SPINK6: variants seen among roughly 807,000 people sequenced by gnomAD.
The protein encoded by SPINK6 is serine peptidase inhibitor Kazal type 6.
SPINK6 carries 13 observed loss-of-function variants against 11.7 expected under a neutral mutation model. The observed-to-expected ratio is 1.11, with a 90% CI of 0.72 to 1.76. The LOEUF is 1.76. Among genes scored for constraint, SPINK6 ranks in the 40% most tolerant of loss-of-function variants. The pLI is 0.00. For missense variants in SPINK6, 98 were observed against 93.7 expected (o/e 1.05, Z -0.19); for synonymous variants, 21 against 31.9 (o/e 0.66, Z 1.15).
intron 2 of SPINK6, among the ~76,000 whole-genome samples, chr5:148,212,668 A>G (rs1410758535): frequency 8.9e-6 from 1 of 112,066 alleles, no homozygotes; most frequent in Non-Finnish European, 1.7e-5. Context: ...TTATATATTT[A>G]TATAATATAT....
chr5:148,212,602 TATAA>T (rs1755620558), intron 2 of SPINK6, among the ~76,000 whole-genome samples: 1 of 104,902 alleles, frequency 9.5e-6, no homozygotes, highest in African/African-American at 4.0e-5. Flanking sequence ...TTATATAATA[TATAA>T]TATATATTTA....
chr5:148,204,700 T>C (rs1020795810), intron 1 of SPINK6, among the ~76,000 whole-genome samples: 22 of 152,054 alleles, frequency 1.4e-4, no homozygotes, highest in African/African-American at 4.8e-4. Context: ...GGATGGGGTA[T>C]AGTGCATGTT....
intron 1 of SPINK6, 135 bp from the exon 2 acceptor site, chr5:148,205,901 C>G (rs1755491245): frequency 6.7e-6 from 6 of 901,586 alleles, no homozygotes; most frequent in Non-Finnish European, 1.0e-5. Flanking sequence ...AAAACAAAAA[C>G]AAACAAAAAA....
At chr5:148,209,958 G>T (rs1298532145) in intron 2 of SPINK6, among the ~76,000 whole-genome samples, 2 of 150,228 alleles carry the variant, frequency 1.3e-5, no homozygotes, top group Non-Finnish European at 2.9e-5. Context: ...TCATATATAT[G>T]TATACATACA....
intron 2 of SPINK6, among the ~76,000 whole-genome samples, chr5:148,208,529 T>C (rs1397586145): frequency 6.6e-6 from 1 of 152,216 alleles, no homozygotes; most frequent in African/African-American, 2.4e-5. Flanking sequence ...AAATTATAGT[T>C]AGCAGTCTGA....
Position 148,214,990 on chromosome 5 carries a change from A to G in SPINK6, c.*40A>G, listed in dbSNP as rs771769120. The stretch of plus-strand genomic sequence containing the variant: ...TTCTTGGTGACTTGCCAGCTTTTGC[A>G]GCCTTCTTTTCTCACTTCTGCTTAT... On this transcript the variant is annotated 3_prime_UTR_variant, in exon 4 of 4. Transcript: ENST00000325630. 1.2e-6 allele frequency: 2 copies of G among 1,601,628 alleles called. No homozygotes were observed. The highest frequency in any genetic ancestry group is 1.7e-6 in the Non-Finnish European group (2 of 1,169,042).
At chr5:148,203,813 A>G (rs527756883) in intron 1 of SPINK6, among the ~76,000 whole-genome samples, 1 of 152,260 alleles carries the variant, frequency 6.6e-6, no homozygotes, top group East Asian at 1.9e-4. Context: ...TCAAAGCACA[A>G]TCATACTTCA....
At chr5:148,209,640 C>T (rs144540429) in intron 2 of SPINK6, among the ~76,000 whole-genome samples, 15 of 151,950 alleles carry the variant, frequency 9.9e-5, no homozygotes, top group Middle Eastern at 3.4e-3. Flanking sequence ...TTTCTCTCAC[C>T]CAGCCGAAAT....
intron 1 of SPINK6, 93 bp from the exon 2 acceptor site, chr5:148,205,943 C>T (rs1755492170): frequency 7.8e-7 from 1 of 1,282,020 alleles, no homozygotes; most frequent in South Asian, 1.2e-5. Flanking sequence ...AGCCAAGTAC[C>T]AGGAGTAGAT....
At chr5:148,210,254 ATACATATATATGTATGTGTTTC>A (rs1320992836) in intron 2 of SPINK6, among the ~76,000 whole-genome samples, 80 of 118,964 alleles carry the variant, frequency 6.7e-4, no homozygotes, top group African/African-American at 2.3e-3. Context: ...GTATTTCTGC[ATACATATATATGTATGTGTTTC>A]TGCATACATA....
intron 2 of SPINK6, among the ~76,000 whole-genome samples, chr5:148,209,968 A>ACGCG (rs1376051662): frequency 6.7e-6 from 1 of 150,358 alleles, no homozygotes; most frequent in Non-Finnish European, 1.5e-5. Flanking sequence ...GTATACATAC[A>ACGCG]TACGTACGTA....
upstream of SPINK6, chr5:148,202,975 A>G: frequency 1.6e-6 from 1 of 625,174 alleles, no homozygotes. Flanking sequence ...AGGCCCCATT[A>G]AATGCATAAA....
At chr5:148,212,623 ATATTATATATT>A (rs1755622529) in intron 2 of SPINK6, among the ~76,000 whole-genome samples, 1 of 102,630 alleles carries the variant, frequency 9.7e-6, no homozygotes, top group Non-Finnish European at 1.7e-5. Context: ...TTTATATTAT[ATATTATATATT>A]ATATATAATA....
chr5:148,212,568 TATTA>T (rs960323752), intron 2 of SPINK6, among the ~76,000 whole-genome samples: 106 of 93,478 alleles, frequency 1.1e-3, no homozygotes, highest in African/African-American at 3.9e-3. Context: ...ATATAATATA[TATTA>T]TATATTATAT....
In SPINK6 at chr5:148,215,001, C is replaced by T. The variant is rs1561734778; in HGVS notation, c.*51C>T. 1 of 1,555,952 alleles carries T rather than the reference C, an allele frequency of 6.4e-7. No homozygotes were observed. Among genetic ancestry groups the T allele is most frequent in the Non-Finnish European group, 8.9e-7 (1 of 1,127,786 alleles). ...TTGCCAGCTTTTGCAGCCTTCTTTT[C>T]TCACTTCTGCTTATACTTTTGCTGG... On this transcript the variant is annotated 3_prime_UTR_variant, in exon 4 of 4. Transcript: ENST00000325630.
intron 2 of SPINK6, among the ~76,000 whole-genome samples, chr5:148,213,233 ACGGCGTCT>A (rs1755636797): frequency 1.3e-5 from 2 of 150,168 alleles, no homozygotes; most frequent in Non-Finnish European, 3.0e-5. Context: ...TTTTTGTTTG[ACGGCGTCT>A]CAGTCTGTCG....
At position 148,209,997 on chromosome 5, in the gene SPINK6, C is replaced by CACGTACGTCT. The variant is rs1561732192; in HGVS notation, c.82-3913_82-3912insACGTACGTCT. Among the ~76,000 whole-genome samples, 4 of 145,992 alleles carry CACGTACGTCT rather than the reference C, an allele frequency of 2.7e-5. 1 individual carries two copies. The highest frequency in any genetic ancestry group is 4.6e-5 in the Non-Finnish European group (3 of 65,506). ...GTACGTATGTATGTATACATATACA[C>CACGTACGTCT]GTATGTATACATGTATGTACGCATG... On this transcript the variant is annotated intron_variant, in intron 2 of 3. Coordinates refer to ENST00000325630, the MANE Select transcript of SPINK6 (RefSeq NM_205841.4).
chr5:148,214,948 T>C lies in SPINK6; in HGVS notation c.241T>C (p.Ter81ArgextTer8). 6.2e-7 allele frequency: 1 copy of C among 1,613,854 alleles called. No individual in the cohort carries two copies. The highest frequency in any genetic ancestry group is 8.5e-7 in the Non-Finnish European group (1 of 1,179,826). ...TAGCCTAAAGCATCCTGGAAAATGC[T>C]GAGTTAAAGCCAATGTTTCTTGGTG... ...KISLKHPGKC[*>R] Residue 81 changes from the stop codon to arginine, a stop_lost, in exon 4 of 4, where the codon TGA (stop) becomes CGA (arginine). Coordinates refer to ENST00000325630, the MANE Select transcript of SPINK6 (RefSeq NM_205841.4).
chr5:148,214,381 C>A (rs1318986924), intron 3 of SPINK6, among the ~76,000 whole-genome samples: 1 of 152,096 alleles, frequency 6.6e-6, no homozygotes. Flanking sequence ...AATATCAATA[C>A]ATAATGAACA....
Sources: allele counts gnomAD v4.1 joint callset (sites outside exome capture counted in the v4.1 genomes callset), GRCh38; gene constraint gnomAD v4.1.1; transcripts MANE v1.5; gene names NCBI Gene and HGNC (gene_info 2026-07-23, HGNC 2026-07-21).